SLC25A40: variants seen among roughly 807,000 people sequenced by gnomAD.
SLC25A40 encodes solute carrier family 25 member 40.
SLC25A40 carries 41 observed loss-of-function variants against 46.5 expected under a neutral mutation model. That is an observed-to-expected ratio of 0.88 (90% CI 0.69 to 1.14). The LOEUF (loss-of-function observed/expected upper bound fraction) is 1.14, where lower values mean the gene tolerates loss of function less well. Ranked by LOEUF, SLC25A40 falls within the 50% of genes most tolerant of loss-of-function variation. The probability of loss-of-function intolerance (pLI) is 0.00; values close to 1 mark genes in which losing one functional copy is unlikely to be tolerated. For synonymous variants in SLC25A40, 126 were observed against 127.5 expected (o/e 0.99, Z 0.08); for missense variants, 386 against 393.6 (o/e 0.98, Z 0.16).
At chr7:87,853,511 G>C (rs1299505530) in intron 5 of SLC25A40, among the ~76,000 whole-genome samples, 1 of 152,142 alleles carries the variant, frequency 6.6e-6, no homozygotes, top group Non-Finnish European at 1.5e-5. Context: ...GTTTGTAGCA[G>C]CTTTATTCAT....
chr7:87,841,543 C>A, intron 10 of SLC25A40, 90 bp downstream of exon 10: 2 of 683,212 alleles, frequency 2.9e-6, no homozygotes, highest in South Asian at 2.4e-5. Context: ...AAGAAAAAAT[C>A]TTGTTTTCCT....
At position 87,852,510 on chromosome 7, in the gene SLC25A40, AGT is replaced by A. The variant is rs1392965085; in HGVS notation, c.264+1692_264+1693del. ...CTTGAGGCGTACAGATTGAGGAAGC[AGT>A]GAGTCATGATTGCTCCACTGCACTC... On this transcript the variant is annotated intron_variant, in intron 5 of 11. Transcript: ENST00000341119. Among the ~76,000 whole-genome samples, 108 of 152,310 alleles carry A rather than the reference AGT, an allele frequency of 7.1e-4. 1 individual carries two copies. Among genetic ancestry groups the A allele is most frequent in the Non-Finnish European group, 1.2e-4 (8 of 68,020 alleles).
chr7:87,846,757 A>C (rs939807122), intron 8 of SLC25A40, among the ~76,000 whole-genome samples, 192 bp downstream of exon 8: 6 of 152,210 alleles, frequency 3.9e-5, no homozygotes, highest in Non-Finnish European at 7.4e-5. Context: ...AAAAAAAACA[A>C]GCTTGAATAA....
intron 8 of SLC25A40, 67 bp from the exon 9 acceptor site, chr7:87,843,930 A>G (rs1838375116): frequency 7.0e-7 from 1 of 1,430,538 alleles, no homozygotes; most frequent in Non-Finnish European, 9.4e-7. Context: ...TAAAAGAGTT[A>G]TGAGGTTATA....
At chr7:87,847,595 C>G (rs1476600693) in intron 7 of SLC25A40, among the ~76,000 whole-genome samples, 1 of 152,144 alleles carries the variant, frequency 6.6e-6, no homozygotes, top group Admixed American at 6.5e-5. Context: ...TCAGGTAAAT[C>G]AGAACCAACT....
intron 4 of SLC25A40, 138 bp downstream of exon 4, chr7:87,856,154 G>T: frequency 1.5e-6 from 1 of 683,748 alleles, no homozygotes; most frequent in Non-Finnish European, 2.5e-6. Flanking sequence ...ACAACTAAAT[G>T]GTGAAAAAAA....
intron 1 of SLC25A40, among the ~76,000 whole-genome samples, chr7:87,869,649 T>C (rs1372333947): frequency 6.6e-6 from 1 of 152,216 alleles, no homozygotes; most frequent in Middle Eastern, 3.2e-3. Context: ...ATTCATTTTA[T>C]TACATGCATT....
intron 10 of SLC25A40, among the ~76,000 whole-genome samples, chr7:87,838,977 G>C (rs1293085754): frequency 6.6e-6 from 1 of 151,428 alleles, no homozygotes; most frequent in Non-Finnish European, 1.5e-5. Context: ...CTAACTTTTT[G>C]CTGTTTTTAA....
At position 87,833,684 on chromosome 7, in the gene SLC25A40, T is replaced by TTAAG. The variant is rs1453714080; in HGVS notation, c.*2561_*2564dup. 8.6e-5 allele frequency: 13 copies of TTAAG among 151,938 alleles called. No homozygotes were observed. The highest frequency in any genetic ancestry group is 2.7e-4 in the African/African-American group (11 of 41,480). 9.4% of individuals were successfully genotyped at this position (151,938 alleles called of 1,614,324 possible). A position where few individuals can be genotyped will look rare whatever the true frequency, so the allele number is the denominator to read the frequency against. On this transcript the variant is annotated 3_prime_UTR_variant, in exon 12 of 12. Coordinates refer to ENST00000341119, the MANE Select transcript of SLC25A40 (RefSeq NM_018843.4). ...GCCCAAGACAAAAAGAGGGAAGAAT[T>TTAAG]TAAGTTTAGGGGTACATATGCAGGT...
chr7:87,859,831 T>C (rs895166181), intron 2 of SLC25A40, among the ~76,000 whole-genome samples: 1 of 151,948 alleles, frequency 6.6e-6, no homozygotes, highest in Non-Finnish European at 1.5e-5. Flanking sequence ...TACATACATA[T>C]ATATATTTTT....
chr7:87,861,945 C>T (rs1168394052), intron 1 of SLC25A40, among the ~76,000 whole-genome samples: 1 of 151,908 alleles, frequency 6.6e-6, no homozygotes, highest in Admixed American at 6.6e-5. Flanking sequence ...CATCAATTAT[C>T]TCCTAAAATC....
At chr7:87,843,082 C>T (rs553662870) in intron 9 of SLC25A40, among the ~76,000 whole-genome samples, 53 of 152,048 alleles carry the variant, frequency 3.5e-4, no homozygotes, top group African/African-American at 1.2e-3. Flanking sequence ...TCTGCTCCTT[C>T]GCTATTGTTT....
Position 87,847,038 on chromosome 7 carries a change from C to A in SLC25A40, c.542G>T (p.Arg181Leu), listed in dbSNP as rs777850854. ...TTCAGATACTTTCTTGCTGACAAAT[C>A]GATGCAGTTCCACGTAAGAAAACTT... is the stretch of plus-strand genomic sequence containing the variant. ...SKKFSYVELH[R>L]FVSKKVSEDG... The change falls in exon 8 of 12, where the codon CGA (arginine) becomes CTA (leucine). Residue 181 changes from arginine (R) to leucine (L), a missense_variant. Transcript: ENST00000341119. 1.2e-6 allele frequency: 2 copies of A among 1,613,768 alleles called. No homozygotes were observed. The highest frequency in any genetic ancestry group is 1.1e-5 in the South Asian group (1 of 91,054).
rs1838228933 is a variant in SLC25A40, at chr7:87,834,143, C to CATCAT, written c.*2101_*2105dup. 1 of 151,798 alleles carries CATCAT rather than the reference C, an allele frequency of 6.6e-6. No homozygotes were observed. 9.4% of individuals were successfully genotyped at this position (151,798 alleles called of 1,614,324 possible). A position where few individuals can be genotyped will look rare whatever the true frequency, so the allele number is the denominator to read the frequency against. Reference sequence around the variant, plus strand: ...TTTGCAAATATTGCAATTCCTGCAACATCATATGTATTGAAAAGTCTGGAA... The same window carrying CATCAT: ...TTTGCAAATATTGCAATTCCTGCAACATCATATCATATGTATTGAAAAGTCTGGAA... On this transcript the variant is annotated 3_prime_UTR_variant, in exon 12 of 12. Coordinates refer to ENST00000341119, the MANE Select transcript of SLC25A40 (RefSeq NM_018843.4).
intron 10 of SLC25A40, among the ~76,000 whole-genome samples, chr7:87,839,004 A>G (rs1321716097): frequency 1.3e-5 from 2 of 151,586 alleles, no homozygotes; most frequent in Non-Finnish European, 3.0e-5. Flanking sequence ...TGCCATGGAT[A>G]GCCTGGTACA....
In SLC25A40 at chr7:87,867,943, T is replaced by C. The variant is rs148515992; in HGVS notation, c.-93-7303A>G. On this transcript the variant is annotated intron_variant, in intron 1 of 11. Coordinates refer to ENST00000341119, the MANE Select transcript of SLC25A40 (RefSeq NM_018843.4). The stretch of plus-strand genomic sequence containing the variant: ...TAGGCATTTCTGCCTAGGGGACCTG[T>C]GGAACATACCTCTTACATTGTGGTG... Among the ~76,000 whole-genome samples the C allele has an allele frequency of 7.1e-3, 1,083 of 152,358 alleles. 20 individuals are homozygous for C. The highest frequency in any genetic ancestry group is 0.024 in the African/African-American group (1,008 of 41,574).
chr7:87,836,631 G>A, intron 11 of SLC25A40, 99 bp downstream of exon 11: 2 of 645,716 alleles, frequency 3.1e-6, no homozygotes, highest in South Asian at 5.7e-5. Context: ...AATAAATGTA[G>A]TATGTTACCT....
intron 10 of SLC25A40, among the ~76,000 whole-genome samples, chr7:87,840,055 C>A (rs1186544431): frequency 1.3e-5 from 2 of 151,578 alleles, no homozygotes; most frequent in South Asian, 2.1e-4. Context: ...CTTAGTAAAC[C>A]TTTAAGTAAC....
At chr7:87,875,652 G>A (rs1838988259) in intron 1 of SLC25A40, among the ~76,000 whole-genome samples, 1 of 151,522 alleles carries the variant, frequency 6.6e-6, no homozygotes, top group South Asian at 2.1e-4. Flanking sequence ...AAAAAAAAAT[G>A]AGATGTTACT....
Sources: gnomAD v4.1 joint callset for allele counts (sites outside exome capture counted in the v4.1 genomes callset) on GRCh38, gnomAD v4.1.1 for gene constraint, MANE v1.5 for transcripts, NCBI Gene and HGNC (gene_info 2026-07-23, HGNC 2026-07-21) for gene names.